The following LRPPRC variants were observed in gnomAD, a reference collection of about 807,000 sequenced individuals.
The protein encoded by LRPPRC is leucine rich pentatricopeptide repeat containing, also known as leucine-rich PPR motif-containing protein, mitochondrial.
A neutral mutation model predicts 180.3 loss-of-function variants in LRPPRC; 120 were observed. That is an observed-to-expected ratio of 0.67 (90% CI 0.57 to 0.77). The LOEUF is 0.77. Among genes scored for constraint, LRPPRC ranks in the 30% least tolerant of loss-of-function variants. The pLI, the probability that LRPPRC is intolerant of heterozygous loss-of-function variation, is 0.00. For missense variants in LRPPRC, 2,012 were observed against 1,657.2 expected (o/e 1.21, Z -3.72); for synonymous variants, 723 against 600.0 (o/e 1.21, Z -3.00).
At chr2:43,895,383 C>G (rs1362285035) in intron 35 of LRPPRC, among the ~76,000 whole-genome samples, 1 of 152,180 alleles carries the variant, frequency 6.6e-6, no homozygotes, top group Non-Finnish European at 1.5e-5. Context: ...CCTGCATCCT[C>G]CCAGGGCTTC....
chr2:43,983,204 C>T (rs919842982), intron 1 of LRPPRC, among the ~76,000 whole-genome samples: 2 of 152,036 alleles, frequency 1.3e-5, no homozygotes, highest in Non-Finnish European at 2.9e-5. Flanking sequence ...AAAGAGCAAG[C>T]AATCTTTAAA....
intron 14 of LRPPRC, among the ~76,000 whole-genome samples, chr2:43,955,953 G>A (rs1673097243): frequency 6.6e-6 from 1 of 152,044 alleles, no homozygotes. Context: ...ATCAAACTTT[G>A]GTGGTGGCAT....
rs760186575 is a variant in LRPPRC, at chr2:43,982,301, G to T, written c.283C>A (p.Arg95=). The change falls in exon 2 of 38, where the codon CGA becomes AGA. Residue 95 remains arginine, a synonymous_variant. Coordinates refer to ENST00000260665, the MANE Select transcript of LRPPRC (RefSeq NM_133259.4). Reference sequence around the variant, plus strand: ...TTCTTTGGAATGCGGCCAGTTCTTCGAACAGAAAGATCTAGTCTCATTAGA... The same window carrying T: ...TTCTTTGGAATGCGGCCAGTTCTTCTAACAGAAAGATCTAGTCTCATTAGA... The part of the protein sequence containing the change: ...WALMRLDLSV[R]RTGRIPKKLL... The T allele has an allele frequency of 6.3e-7, 1 of 1,589,570 alleles. No homozygotes were observed. The highest frequency in any genetic ancestry group is 2.2e-5 in the East Asian group (1 of 44,526).
At chr2:43,888,729 A>G in intron 37 of LRPPRC, 73 bp from the exon 38 acceptor site, 1 of 829,020 alleles carries the variant, frequency 1.2e-6, no homozygotes, top group East Asian at 2.5e-5. Context: ...AAAAAATCAT[A>G]AAACACTACC....
At chr2:43,898,455 C>T (rs112843575) in intron 34 of LRPPRC, among the ~76,000 whole-genome samples, 40 of 152,304 alleles carry the variant, frequency 2.6e-4, no homozygotes, top group African/African-American at 8.7e-4. Flanking sequence ...CAGCCGTTGG[C>T]GGGATCACGG....
chr2:43,945,028 G>C (rs1307054129), intron 22 of LRPPRC, among the ~76,000 whole-genome samples: 2 of 152,046 alleles, frequency 1.3e-5, no homozygotes, highest in African/African-American at 4.8e-5. Flanking sequence ...CATTAGTGCA[G>C]GCACATAAGC....
intron 27 of LRPPRC, among the ~76,000 whole-genome samples, chr2:43,922,785 T>A (rs1671744189): frequency 6.6e-6 from 1 of 152,162 alleles, no homozygotes; most frequent in East Asian, 1.9e-4. Flanking sequence ...TGAGTCCATG[T>A]AACAATATTT....
chr2:43,980,215 C>T (rs1674240881), intron 2 of LRPPRC, among the ~76,000 whole-genome samples: 2 of 152,152 alleles, frequency 1.3e-5, no homozygotes, highest in East Asian at 1.9e-4. Flanking sequence ...ATACAAAGAA[C>T]CTACTTTATA....
intron 36 of LRPPRC, among the ~76,000 whole-genome samples, chr2:43,890,821 C>T (rs141121163): frequency 3.3e-5 from 5 of 152,368 alleles, no homozygotes; most frequent in Non-Finnish European, 7.3e-5. Context: ...TGGCTCTCTA[C>T]TTGTGGCTGA....
At chr2:43,976,504 T>C (rs1674062122) in intron 5 of LRPPRC, among the ~76,000 whole-genome samples, 1 of 152,128 alleles carries the variant, frequency 6.6e-6, no homozygotes, top group Non-Finnish European at 1.5e-5. Flanking sequence ...AATTACCCTT[T>C]TAAAAGCATA....
intron 27 of LRPPRC, among the ~76,000 whole-genome samples, chr2:43,918,821 A>C (rs981811803): frequency 1.0e-4 from 15 of 143,070 alleles, no homozygotes; most frequent in Admixed American, 6.9e-4. Context: ...ATATATATAT[A>C]TCTATATATA....
intron 32 of LRPPRC, among the ~76,000 whole-genome samples, chr2:43,900,730 G>A (rs1670852128): frequency 6.6e-6 from 1 of 151,974 alleles, no homozygotes; most frequent in Admixed American, 6.6e-5. Flanking sequence ...TTTTCTAAAA[G>A]CATACTGAAA....
At chr2:43,908,663 A>T (rs925192839) in intron 30 of LRPPRC, among the ~76,000 whole-genome samples, 2 of 151,858 alleles carry the variant, frequency 1.3e-5, no homozygotes, top group Non-Finnish European at 2.9e-5. Flanking sequence ...CTGGAATTAC[A>T]TACAGGCACG....
At chr2:43,941,857 A>C (rs1672493808) in intron 23 of LRPPRC, among the ~76,000 whole-genome samples, 1 of 150,190 alleles carries the variant, frequency 6.7e-6, no homozygotes, top group Non-Finnish European at 1.5e-5. Context: ...AAAAAAAAAA[A>C]ACTAGGCAAA....
At chr2:43,889,932 T>C in intron 36 of LRPPRC, 56 bp from the exon 37 acceptor site, 1 of 1,371,870 alleles carries the variant, frequency 7.3e-7, no homozygotes. Flanking sequence ...ATCTTACTCT[T>C]TTCACCAAAA....
intron 15 of LRPPRC, 150 bp downstream of exon 15, chr2:43,950,423 C>T: frequency 1.4e-6 from 1 of 700,464 alleles, no homozygotes; most frequent in Non-Finnish European, 2.6e-6. Flanking sequence ...AAAAGACACA[C>T]ATAACTATTA....
intron 14 of LRPPRC, among the ~76,000 whole-genome samples, chr2:43,954,424 G>A (rs966195664): frequency 1.3e-5 from 2 of 152,122 alleles, no homozygotes; most frequent in Non-Finnish European, 2.9e-5. Context: ...CATCAGCTTG[G>A]CCAAAATTAA....
chr2:43,948,539 A>C, intron 16 of LRPPRC, 21 bp from the exon 17 acceptor site: 1 of 1,184,514 alleles, frequency 8.4e-7, no homozygotes, highest in Non-Finnish European at 1.3e-6. Context: ...AAACAAGAGA[A>C]AGCATTCCAC....
At chr2:43,968,979 T>C (rs1199618686) in intron 11 of LRPPRC, among the ~76,000 whole-genome samples, 1 of 152,222 alleles carries the variant, frequency 6.6e-6, no homozygotes, top group Non-Finnish European at 1.5e-5. Flanking sequence ...AATGTACCTG[T>C]ATATAAAATC....
Sources: allele counts gnomAD v4.1 joint callset (sites outside exome capture counted in the v4.1 genomes callset), GRCh38; gene constraint gnomAD v4.1.1; transcripts MANE v1.5; gene names NCBI Gene and HGNC (gene_info 2026-07-23, HGNC 2026-07-21).